Variants in CCNYL1 observed in about 807,000 individuals in gnomAD.
CCNYL1 encodes cyclin-Y-like protein 1.
A neutral mutation model predicts 44.2 loss-of-function variants in CCNYL1; 16 were observed. The ratio of observed to expected loss-of-function variants is 0.36; its 90% CI spans 0.25 to 0.55. The LOEUF (loss-of-function observed/expected upper bound fraction) is 0.55, where lower values mean the gene tolerates loss of function less well. Ranked by LOEUF, CCNYL1 falls within the 20% of genes least tolerant of loss-of-function variation. The pLI is 0.85. For synonymous variants in CCNYL1, 159 were observed against 163.2 expected (o/e 0.97, Z 0.20); for missense variants, 348 against 451.8 (o/e 0.77, Z 2.08).
chr2:207,753,582 T>A lies in CCNYL1; in HGVS notation c.970-6T>A, dbSNP rs771301470. On this transcript the variant is annotated splice_region_variant and splice_polypyrimidine_tract_variant and intron_variant, in intron 9 of 9. Transcript: ENST00000295414. ...TACCTGTTTTCTATTTGATTGACTT[T>A]CCTAGGCTATTTCTAGATTGTGTGA... 1 of 1,591,726 alleles carries A rather than the reference T, an allele frequency of 6.3e-7. No homozygotes were observed. Among genetic ancestry groups the A allele is most frequent in the Admixed American group, 1.7e-5 (1 of 59,092 alleles).
At chr2:207,743,319 G>A (rs1051194186) in intron 7 of CCNYL1, among the ~76,000 whole-genome samples, 1 of 152,186 alleles carries the variant, frequency 6.6e-6, no homozygotes, top group African/African-American at 2.4e-5. Context: ...GATGGTTTAA[G>A]CTCTATGTGC....
intron 9 of CCNYL1, among the ~76,000 whole-genome samples, chr2:207,751,873 TACAC>T (rs1252503223): frequency 2.8e-5 from 4 of 141,126 alleles, no homozygotes; most frequent in African/African-American, 7.9e-5. Context: ...AAAAAAAAAG[TACAC>T]ACACACAAAA....
In CCNYL1 at chr2:207,753,769, GCT is replaced by G; in HGVS notation, c.*73_*74del. ...AGACTGGAGAAATACCACCTTTCCT[GCT>G]CAAAAACCAGCAAAATTAGTGTTTT... On this transcript the variant is annotated 3_prime_UTR_variant, in exon 10 of 10. Transcript: ENST00000295414. 1 of 969,160 alleles carries G rather than the reference GCT, an allele frequency of 1.0e-6. No homozygotes were observed. Among genetic ancestry groups the G allele is most frequent in the Non-Finnish European group, 1.6e-6 (1 of 630,132 alleles). 60.0% of individuals were successfully genotyped at this position (969,160 alleles called of 1,614,324 possible). A position where few individuals can be genotyped will look rare whatever the true frequency, so the allele number is the denominator to read the frequency against.
intron 1 of CCNYL1, among the ~76,000 whole-genome samples, chr2:207,718,882 A>G (rs963766066): frequency 7.9e-5 from 12 of 152,056 alleles, no homozygotes; most frequent in African/African-American, 2.4e-4. Flanking sequence ...TTGTTGCATT[A>G]TTTTCAATAG....
intron 8 of CCNYL1, among the ~76,000 whole-genome samples, chr2:207,747,888 G>C (rs1036698421): frequency 3.2e-4 from 49 of 152,254 alleles, no homozygotes; most frequent in African/African-American, 1.2e-3. Context: ...TTATCTGCCA[G>C]TTCAAGCTCC....
intron 4 of CCNYL1, among the ~76,000 whole-genome samples, chr2:207,734,599 C>T (rs772857063): frequency 3.3e-5 from 5 of 152,232 alleles, no homozygotes; most frequent in Non-Finnish European, 7.3e-5. Flanking sequence ...CAGCAAACAA[C>T]TCCATTGGGG....
intron 7 of CCNYL1, among the ~76,000 whole-genome samples, chr2:207,746,032 C>G (rs2091852528): frequency 6.6e-6 from 1 of 152,176 alleles, no homozygotes; most frequent in African/African-American, 2.4e-5. Flanking sequence ...CTTTACTCAG[C>G]TGTTCACTTT....
At chr2:207,739,013 C>T (rs2105833862) in intron 5 of CCNYL1, among the ~76,000 whole-genome samples, 1 of 152,204 alleles carries the variant, frequency 6.6e-6, no homozygotes, top group Admixed American at 6.5e-5. Flanking sequence ...AGCCACCATA[C>T]CCAGCCTGGT....
chr2:207,751,491 G>C (rs560471499), intron 9 of CCNYL1, among the ~76,000 whole-genome samples: 1 of 151,990 alleles, frequency 6.6e-6, no homozygotes, highest in South Asian at 2.1e-4. Flanking sequence ...AGGCTGAGGT[G>C]GGCAGATCAC....
chr2:207,712,822 G>GT (rs1404791000), intron 1 of CCNYL1, among the ~76,000 whole-genome samples: 6 of 152,120 alleles, frequency 3.9e-5, no homozygotes, highest in Admixed American at 2.6e-4. Flanking sequence ...CAGACAAGTT[G>GT]TTTTTTTGAG....
At chr2:207,730,528 C>T (rs1034566552) in intron 3 of CCNYL1, among the ~76,000 whole-genome samples, 3 of 152,130 alleles carry the variant, frequency 2.0e-5, no homozygotes, top group African/African-American at 7.2e-5. Flanking sequence ...GAGGCTGAGG[C>T]GGGAGGATCA....
intron 7 of CCNYL1, among the ~76,000 whole-genome samples, chr2:207,743,708 C>A (rs1382620846): frequency 6.6e-6 from 1 of 152,168 alleles, no homozygotes; most frequent in East Asian, 1.9e-4. Flanking sequence ...GAACAGAGAT[C>A]AAGATAAGAG....
intron 9 of CCNYL1, among the ~76,000 whole-genome samples, chr2:207,751,592 C>A (rs1054573932): frequency 6.6e-6 from 1 of 151,822 alleles, no homozygotes; most frequent in Non-Finnish European, 1.5e-5. Flanking sequence ...CGGTGGCTTA[C>A]GCCTGTAAGC....
chr2:207,714,193 AT>A (rs2091574928), intron 1 of CCNYL1: 1 of 353,622 alleles, frequency 2.8e-6, no homozygotes, highest in Admixed American at 4.0e-5. Flanking sequence ...ACTTTTAAAA[AT>A]CCAGAATGCA....
intron 3 of CCNYL1, among the ~76,000 whole-genome samples, chr2:207,733,160 A>G (rs2091742317): frequency 6.6e-6 from 1 of 152,214 alleles, no homozygotes; most frequent in Non-Finnish European, 1.5e-5. Context: ...GAGGAAGAAC[A>G]AGGTATTCCA....
chr2:207,750,771 T>TG, intron 8 of CCNYL1, 186 bp from the exon 9 acceptor site: 1 of 529,776 alleles, frequency 1.9e-6, no homozygotes, highest in Admixed American at 3.4e-5. Context: ...TCCAGAGTGC[T>TG]GGGATGCAGA....
chr2:207,725,368 G>A (rs1209680951), intron 2 of CCNYL1, among the ~76,000 whole-genome samples: 1 of 152,054 alleles, frequency 6.6e-6, no homozygotes, highest in Non-Finnish European at 1.5e-5. Context: ...CTCGTGATCT[G>A]CCCTCCTCAG....
At chr2:207,712,983 T>C (rs897074877) in intron 1 of CCNYL1, among the ~76,000 whole-genome samples, 1 of 152,136 alleles carries the variant, frequency 6.6e-6, no homozygotes, top group Non-Finnish European at 1.5e-5. Context: ...GCCCAGCTAA[T>C]TTTTGAATTT....
chr2:207,731,891 C>A (rs1020524584), intron 3 of CCNYL1, among the ~76,000 whole-genome samples: 3 of 151,008 alleles, frequency 2.0e-5, no homozygotes, highest in Non-Finnish European at 1.5e-5. Context: ...CTCACTACAA[C>A]CTCCGCCTCC....
Sources: allele counts gnomAD v4.1 joint callset (sites outside exome capture counted in the v4.1 genomes callset), GRCh38; gene constraint gnomAD v4.1.1; transcripts MANE v1.5; gene names NCBI Gene and HGNC (gene_info 2026-07-23, HGNC 2026-07-21).